FCN2: variants seen among roughly 807,000 people sequenced by gnomAD.
FCN2 encodes ficolin 2.
A neutral mutation model predicts 32.5 loss-of-function variants in FCN2; 31 were observed. The ratio of observed to expected loss-of-function variants is 0.96; its 90% CI spans 0.72 to 1.29. The LOEUF (loss-of-function observed/expected upper bound fraction) is 1.29, where lower values mean the gene tolerates loss of function less well. Ranked by LOEUF, FCN2 falls within the 50% of genes most tolerant of loss-of-function variation. The probability of loss-of-function intolerance (pLI) is 0.00; values close to 1 mark genes in which losing one functional copy is unlikely to be tolerated. For synonymous variants in FCN2, 181 were observed against 164.5 expected, an observed-to-expected ratio of 1.10 and a Z score of -0.77; for missense variants, 412 against 406.5, an observed-to-expected ratio of 1.01 and a Z score of -0.12.
intron 4 of FCN2, 68 bp downstream of exon 4, chr9:134,884,840 C>T (rs547325182): frequency 3.4e-5 from 47 of 1,400,296 alleles, no homozygotes; most frequent in South Asian, 8.2e-5. Context: ...CAGGGTCATA[C>T]GACGCCATTG....
chr9:134,883,797 G>C (rs537790683), intron 3 of FCN2, among the ~76,000 whole-genome samples: 2 of 144,976 alleles, frequency 1.4e-5, no homozygotes, highest in African/African-American at 5.1e-5. Flanking sequence ...ATTCTGGGAT[G>C]GGGGAGAGGT....
At chr9:134,885,097 G>A (rs144803479) in intron 4 of FCN2, 142 bp from the exon 5 acceptor site, 16,013 of 1,237,136 alleles carry the variant, frequency 0.013, 223 homozygotes, top group South Asian at 0.056. Context: ...CCTGGGGGCC[G>A]TGTCCCTGTC....
At chr9:134,874,079 T>C in the FCN2 span, among the ~76,000 whole-genome samples, 1 of 152,088 alleles carries the variant, frequency 6.6e-6, no homozygotes, top group African/African-American at 2.4e-5. Flanking sequence ...CACACGCGGC[T>C]AATTTTTTGT....
chr9:134,886,729 T>C (rs891722141), intron 7 of FCN2, among the ~76,000 whole-genome samples, 165 bp downstream of exon 7: 2 of 152,080 alleles, frequency 1.3e-5, no homozygotes, highest in Non-Finnish European at 2.9e-5. Context: ...CTGTGTAGCA[T>C]GGGGGTCATG....
chr9:134,886,955 G>A (rs1292622902), intron 7 of FCN2, among the ~76,000 whole-genome samples: 1 of 152,168 alleles, frequency 6.6e-6, no homozygotes, highest in East Asian at 1.9e-4. Flanking sequence ...ACATTAGGTG[G>A]CAGGGCTAGA....
At chr9:134,883,628 G>T (rs1473728206) in intron 3 of FCN2, among the ~76,000 whole-genome samples, 37 of 114,162 alleles carry the variant, frequency 3.2e-4, no homozygotes, top group Admixed American at 5.3e-4. Context: ...GGGGAGTGGG[G>T]TCATCAGTGT....
the FCN2 span, among the ~76,000 whole-genome samples, chr9:134,866,661 C>G: frequency 6.7e-6 from 1 of 148,298 alleles, no homozygotes; most frequent in Non-Finnish European, 1.5e-5. Context: ...AACTAAAGAG[C>G]TTCTGCACAG....
chr9:134,883,276 C>G (rs756787174), intron 2 of FCN2, 26 bp from the exon 3 acceptor site: 1 of 1,602,256 alleles, frequency 6.2e-7, no homozygotes, highest in Non-Finnish European at 8.6e-7. Flanking sequence ...CAGTTTTCCT[C>G]AAGTCAGTGT....
chr9:134,886,619 T>G, intron 7 of FCN2, 55 bp downstream of exon 7: 1 of 1,602,830 alleles, frequency 6.2e-7, no homozygotes, highest in Non-Finnish European at 8.5e-7. Flanking sequence ...GTTTGGGAAG[T>G]GGAGAGAGCG....
chr9:134,873,839 T>G, the FCN2 span, among the ~76,000 whole-genome samples: 5 of 152,248 alleles, frequency 3.3e-5, no homozygotes, highest in African/African-American at 1.2e-4. Flanking sequence ...TTTTATTCCC[T>G]TAACACAGTC....
Position 134,880,869 on chromosome 9 carries a change from G to A in FCN2, c.48G>A (p.Leu16=), listed in dbSNP as rs1449221606. 2.5e-6 allele frequency: 4 copies of A among 1,613,720 alleles called. No individual in the cohort carries two copies. Among genetic ancestry groups the A allele is most frequent in the African/African-American group, 1.3e-5 (1 of 75,030 alleles). ...AVGVLGAATL[L]LSFLGMAWAL... ...GGGTCCTGGGCGCTGCCACCCTGCTGCTCTCTTTCCTGGGCATGGCCTGGG... is the reference window on the plus strand; with the variant it reads ...GGGTCCTGGGCGCTGCCACCCTGCTACTCTCTTTCCTGGGCATGGCCTGGG... The change falls in exon 1 of 8, where the codon CTG becomes CTA. Residue 16 remains leucine, a synonymous_variant. Coordinates refer to ENST00000291744, the MANE Select transcript of FCN2 (RefSeq NM_004108.3).
At position 134,887,485 on chromosome 9, in the gene FCN2, C is replaced by G; in HGVS notation, c.*70C>G. On this transcript the variant is annotated 3_prime_UTR_variant, in exon 8 of 8. Coordinates refer to ENST00000291744, the MANE Select transcript of FCN2 (RefSeq NM_004108.3). ...TGGGGGGTAGGGTTGGGAGCTTGGCCCTACGGTTTGTAAAAGAAACACATG... is the reference window on the plus strand; with the variant it reads ...TGGGGGGTAGGGTTGGGAGCTTGGCGCTACGGTTTGTAAAAGAAACACATG... The G allele has an allele frequency of 6.7e-7, 1 of 1,484,068 alleles. No homozygotes were observed. The allele number at this position is 1,484,068 out of a possible 1,614,324, so 91.9% of individuals were successfully genotyped here. A position where few individuals can be genotyped will look rare whatever the true frequency, so the allele number is the denominator to read the frequency against.
the FCN2 span, among the ~76,000 whole-genome samples, chr9:134,864,403 C>A: frequency 6.6e-6 from 1 of 152,320 alleles, no homozygotes; most frequent in Middle Eastern, 3.4e-3. Context: ...GTGGGGCCTG[C>A]GGAAGACAGC....
chr9:134,882,609 A>G lies in FCN2; in HGVS notation c.184A>G (p.Lys62Glu). ...CPGLPGAPGP[K>E]GEAGTNGKRG... ...GGGGCTGCCTGGGGCCCCTGGGCCC[A>G]AGGGAGAGGCAGGCACCAATGGAAA... The change falls in exon 2 of 8, where the codon AAG becomes GAG. Residue 62 changes from lysine (K) to glutamate (E), a missense_variant. By Grantham distance (56) the Lys-to-Glu change is moderately conservative. Coordinates refer to ENST00000291744, the MANE Select transcript of FCN2 (RefSeq NM_004108.3). The G allele has an allele frequency of 6.2e-7, 1 of 1,613,668 alleles. No homozygotes were observed. The highest frequency in any genetic ancestry group is 8.5e-7 in the Non-Finnish European group (1 of 1,179,662).
the FCN2 span, among the ~76,000 whole-genome samples, chr9:134,873,900 T>G: frequency 0.52 from 63,853 of 123,978 alleles, 14,128 homozygotes; most frequent in East Asian, 0.67. Context: ...TTGTTTTTTG[T>G]TTTTTTTTGT....
At chr9:134,870,482 C>T in the FCN2 span, among the ~76,000 whole-genome samples, 3 of 152,090 alleles carry the variant, frequency 2.0e-5, no homozygotes, top group Admixed American at 6.5e-5. This position sits in a 1 kb window ranked among gnomAD's most constrained non-coding sequence, Gnocchi z 4.3. Flanking sequence ...CTGTGCCCCT[C>T]GGGGGGCCAA....
Position 134,886,508 on chromosome 9 carries a change from C to G in FCN2, c.638C>G (p.Ala213Gly), listed in dbSNP as rs772898271. The G allele has an allele frequency of 1.9e-6, 3 of 1,614,038 alleles. No individual in the cohort carries two copies. Residue 213 changes from alanine (A) to glycine (G), a missense_variant, in exon 7 of 8, where the codon GCC (alanine) becomes GGC (glycine). Coordinates refer to ENST00000291744, the MANE Select transcript of FCN2 (RefSeq NM_004108.3). ...QFAKYRSFKVADEAEKYNLVL... is the reference protein window; with the variant it reads ...QFAKYRSFKVGDEAEKYNLVL... ...GCTAAGTACAGATCATTCAAGGTGGCCGACGAGGCGGAGAAGTACAATCTG... is the reference window on the plus strand; with the variant it reads ...GCTAAGTACAGATCATTCAAGGTGGGCGACGAGGCGGAGAAGTACAATCTG...
chr9:134,871,273 T>C, the FCN2 span, among the ~76,000 whole-genome samples: 1 of 151,904 alleles, frequency 6.6e-6, no homozygotes, highest in Non-Finnish European at 1.5e-5. Flanking sequence ...GGCCACTGAG[T>C]GTGGTTTTCG....
chr9:134,886,788 G>T (rs1305443848), intron 7 of FCN2, among the ~76,000 whole-genome samples: 1 of 152,210 alleles, frequency 6.6e-6, no homozygotes, highest in East Asian at 1.9e-4. Context: ...GCATCTGGTA[G>T]GAAGGAAGTC....
Sources: allele counts gnomAD v4.1 joint callset (sites outside exome capture counted in the v4.1 genomes callset), GRCh38; gene constraint gnomAD v4.1.1; non-coding constraint Gnocchi (gnomAD v3.1); transcripts MANE v1.5; gene names NCBI Gene and HGNC (gene_info 2026-07-23, HGNC 2026-07-21).